Variants in TSPAN11 observed in about 807,000 individuals in gnomAD.
TSPAN11 encodes tetraspanin 11.
In TSPAN11, 29 loss-of-function variants were observed where a neutral mutation model predicts 32.9. The observed-to-expected ratio is 0.88, with a 90% CI of 0.66 to 1.20. The LOEUF (loss-of-function observed/expected upper bound fraction) is 1.20, where lower values mean the gene tolerates loss of function less well. Among genes scored for constraint, TSPAN11 ranks in the 50% most tolerant of loss-of-function variants. The pLI is 0.00. For synonymous variants in TSPAN11, 140 were observed against 141.3 expected (o/e 0.99, Z 0.07); for missense variants, 283 against 329.1 (o/e 0.86, Z 1.08).
chr12:30,976,915 C>G (rs757489428), intron 3 of TSPAN11, among the ~76,000 whole-genome samples: 1 of 152,192 alleles, frequency 6.6e-6, no homozygotes, highest in African/African-American at 2.4e-5. Context: ...CCTGATGCAG[C>G]GAAGAGCCTG....
chr12:30,955,575 CA>C (rs1288534837), intron 2 of TSPAN11, among the ~76,000 whole-genome samples: 8 of 152,124 alleles, frequency 5.3e-5, no homozygotes, highest in African/African-American at 1.9e-4. Context: ...TGGCTTCAAA[CA>C]ACAAAAATTT....
intron 1 of TSPAN11, among the ~76,000 whole-genome samples, chr12:30,934,831 ACT>A (rs1191935067): frequency 6.6e-6 from 1 of 152,110 alleles, no homozygotes; most frequent in Non-Finnish European, 1.5e-5. Context: ...AGATAAAGAC[ACT>A]GAGTCACAGA....
intron 1 of TSPAN11, among the ~76,000 whole-genome samples, chr12:30,938,636 A>G (rs1938094414): frequency 6.6e-6 from 1 of 152,082 alleles, no homozygotes; most frequent in African/African-American, 2.4e-5. Context: ...CCCTCAGGGG[A>G]ACCCCAGCAC....
intron 3 of TSPAN11, among the ~76,000 whole-genome samples, chr12:30,969,568 G>A (rs1938806932): frequency 6.6e-6 from 1 of 152,184 alleles, no homozygotes; most frequent in African/African-American, 2.4e-5. Context: ...GAGACTCATA[G>A]GGTTTGTGTT....
the TSPAN11 span, chr12:31,012,753 T>A: frequency 2.6e-5 from 4 of 152,358 alleles, no homozygotes; most frequent in Admixed American, 1.3e-4. Context: ...AGGAACCCGA[T>A]CGTGTGAGAC....
At chr12:31,003,284 C>G in the TSPAN11 span, among the ~76,000 whole-genome samples, 2 of 152,228 alleles carry the variant, frequency 1.3e-5, no homozygotes, top group African/African-American at 4.8e-5. Context: ...GGGGACCGTT[C>G]TGCAGGACAG....
chr12:30,941,877 C>A lies in TSPAN11; in HGVS notation c.-11-12104C>A, dbSNP rs182256612. Among the ~76,000 whole-genome samples the A allele has an allele frequency of 2.8e-3, 421 of 152,378 alleles. 6 individuals carry two copies. Among genetic ancestry groups the A allele is most frequent in the Non-Finnish European group, 6.2e-4 (42 of 68,042 alleles). ...TTGAAAACAGAGATGAAGGGCTTCT[C>A]TCACTCTACGGCACTTATCACTGTA... is the stretch of plus-strand genomic sequence containing the variant. On this transcript the variant is annotated intron_variant, in intron 1 of 7. Coordinates refer to ENST00000546076, the MANE Select transcript of TSPAN11 (RefSeq NM_001370302.1).
chr12:30,980,704 G>A (rs941602878), intron 5 of TSPAN11, among the ~76,000 whole-genome samples: 4 of 152,126 alleles, frequency 2.6e-5, no homozygotes, highest in Admixed American at 2.6e-4. Flanking sequence ...AGCTCCCAGT[G>A]GGTGCTTCAG....
At chr12:30,982,471 G>A (rs1418815947) in intron 5 of TSPAN11, 61 bp from the exon 6 acceptor site, 10 of 1,552,736 alleles carry the variant, frequency 6.4e-6, no homozygotes, top group Non-Finnish European at 6.1e-6. Context: ...AATGTGTCCT[G>A]CAGCCTGGGA....
At chr12:30,988,805 T>C (rs1939255256) in intron 7 of TSPAN11, among the ~76,000 whole-genome samples, 1 of 152,122 alleles carries the variant, frequency 6.6e-6, no homozygotes, top group Non-Finnish European at 1.5e-5. Flanking sequence ...CTGCTGAAGG[T>C]GACACAGCCG....
At chr12:30,933,255 C>G (rs1468285768) in intron 1 of TSPAN11, among the ~76,000 whole-genome samples, 1 of 152,154 alleles carries the variant, frequency 6.6e-6, no homozygotes, top group African/African-American at 2.4e-5. Flanking sequence ...GACACTGGCT[C>G]AGGTAGGTTA....
Position 30,978,576 on chromosome 12 carries a change from C to G in TSPAN11, c.292C>G (p.Leu98Val). 1 of 1,614,224 alleles carries G rather than the reference C, an allele frequency of 6.2e-7. No homozygotes were observed. Among genetic ancestry groups the G allele is most frequent in the Non-Finnish European group, 8.5e-7 (1 of 1,180,038 alleles). Residue 98 changes from leucine (L) to valine (V), a missense_variant, in exon 4 of 8, where the codon CTC becomes GTC. Transcript: ENST00000546076. ...GCLSTYFCLL[L>V]VIFLVELVAG... Reference sequence around the variant, plus strand: ...TTGCTGCTAGTATTTCTGCCTGTTGCTCGTCATCTTCCTGGTTGAGCTGGT... The same window carrying G: ...TTGCTGCTAGTATTTCTGCCTGTTGGTCGTCATCTTCCTGGTTGAGCTGGT...
At chr12:30,953,413 T>C (rs1228021453) in intron 1 of TSPAN11, among the ~76,000 whole-genome samples, 1 of 152,158 alleles carries the variant, frequency 6.6e-6, no homozygotes, top group Non-Finnish European at 1.5e-5. Context: ...GCTCTTGTGC[T>C]TCTTCCTGCC....
At chr12:31,000,473 A>T (rs1488884210), downstream of TSPAN11, among the ~76,000 whole-genome samples, 3 of 152,218 alleles carry the variant, frequency 2.0e-5, no homozygotes, top group Non-Finnish European at 4.4e-5. Flanking sequence ...ACGCCTCTAT[A>T]CGCATGCTTT....
At chr12:30,953,952 C>G in intron 1 of TSPAN11, 29 bp from the exon 2 acceptor site, 2 of 1,563,970 alleles carry the variant, frequency 1.3e-6, no homozygotes, top group Non-Finnish European at 1.8e-6. Flanking sequence ...CGGTGATTCC[C>G]CGGCCCAGCA....
rs1938283065 is a variant in TSPAN11 at position 30,947,025 on chromosome 12, T to C, written c.-11-6956T>C. ...GGAAGGCCCGTCTGCTTCCCAGAAATCAGAAGACACTCCCCAGAGCTCAGT... is the reference window on the plus strand; with the variant it reads ...GGAAGGCCCGTCTGCTTCCCAGAAACCAGAAGACACTCCCCAGAGCTCAGT... On this transcript the variant is annotated intron_variant, in intron 1 of 7. Transcript: ENST00000546076. Among the ~76,000 whole-genome samples, 6 of 152,080 alleles carry C rather than the reference T, an allele frequency of 3.9e-5. No homozygotes were observed. The South Asian group carries it at 1.2e-3, about 31-fold the overall frequency.
At chr12:30,971,508 G>A (rs1312930079) in intron 3 of TSPAN11, among the ~76,000 whole-genome samples, 2 of 152,168 alleles carry the variant, frequency 1.3e-5, no homozygotes, top group African/African-American at 4.8e-5. Context: ...GGGAGGCCAG[G>A]CTGGGAGGAT....
At chr12:30,967,040 A>G (rs1938747528) in intron 3 of TSPAN11, among the ~76,000 whole-genome samples, 1 of 152,100 alleles carries the variant, frequency 6.6e-6, no homozygotes, top group Admixed American at 6.5e-5. Flanking sequence ...GAATTATTGG[A>G]TTTTTTGGAG....
At position 30,979,649 on chromosome 12, in the gene TSPAN11, A is replaced by G; in HGVS notation, c.435A>G (p.Ser145=). 3 of 1,614,170 alleles carry G rather than the reference A, an allele frequency of 1.9e-6. No homozygotes were observed. Among genetic ancestry groups the G allele is most frequent in the Non-Finnish European group, 2.5e-6 (3 of 1,180,016 alleles). The change falls in exon 5 of 8, where the codon TCA becomes TCG. Residue 145 remains serine, a synonymous_variant. Coordinates refer to ENST00000546076, the MANE Select transcript of TSPAN11 (RefSeq NM_001370302.1). The stretch of plus-strand genomic sequence containing the variant: ...CCGGAGCCACGCAGATCACCGCCTC[A>G]GTGGACCGACTCCAGCAGGATGTAA... ...GQPGATQITA[S]VDRLQQDFKC... is the part of the protein sequence containing the mutation.
Sources: allele counts gnomAD v4.1 joint callset (sites outside exome capture counted in the v4.1 genomes callset), GRCh38; gene constraint gnomAD v4.1.1; transcripts MANE v1.5; gene names NCBI Gene and HGNC (gene_info 2026-07-23, HGNC 2026-07-21).